Variants in NCAM2 observed in about 807,000 individuals in gnomAD.
NCAM2 encodes N-CAM-2.
A neutral mutation model predicts 98.1 loss-of-function variants in NCAM2; 30 were observed. The ratio of observed to expected loss-of-function variants is 0.31; its 90% CI spans 0.23 to 0.41. NCAM2 has a LOEUF of 0.41. Among genes scored for constraint, NCAM2 ranks in the 10% least tolerant of loss-of-function variants. The pLI is 1.00. For synonymous variants in NCAM2, 368 were observed against 342.4 expected, an observed-to-expected ratio of 1.07 and a Z score of -0.83; for missense variants, 867 against 1,005.8, an observed-to-expected ratio of 0.86 and a Z score of 1.87.
intron 1 of NCAM2, among the ~76,000 whole-genome samples, chr21:21,174,197 A>AGCCAGGCTCCC (rs2068212374): frequency 6.6e-6 from 1 of 152,194 alleles, no homozygotes; most frequent in South Asian, 2.1e-4. Context: ...TGCTGGGATT[A>AGCCAGGCTCCC]CAGGTGTGAG....
chr21:21,205,437 G>A (rs2069403254), intron 1 of NCAM2, among the ~76,000 whole-genome samples: 1 of 152,014 alleles, frequency 6.6e-6, no homozygotes, highest in Non-Finnish European at 1.5e-5. Context: ...TATTATCTTT[G>A]TTTAAGACCT....
intron 1 of NCAM2, among the ~76,000 whole-genome samples, chr21:21,227,788 T>C (rs2070448925): frequency 6.6e-6 from 1 of 151,788 alleles, no homozygotes; most frequent in Non-Finnish European, 1.5e-5. Flanking sequence ...AATTGAGTTA[T>C]ATCCCTGTCT....
chr21:21,488,314 C>G (rs1191055151), intron 15 of NCAM2, among the ~76,000 whole-genome samples: 2 of 151,846 alleles, frequency 1.3e-5, no homozygotes, highest in Non-Finnish European at 2.9e-5. Context: ...TAAGAATACT[C>G]ATTCATTATG....
At chr21:21,387,655 GAA>G (rs1426848066) in intron 9 of NCAM2, among the ~76,000 whole-genome samples, 1 of 152,126 alleles carries the variant, frequency 6.6e-6, no homozygotes, top group East Asian at 1.9e-4. Context: ...TTTGTAAAGT[GAA>G]AGAGACATAT....
At chr21:21,180,601 G>T (rs1202053252) in intron 1 of NCAM2, among the ~76,000 whole-genome samples, 1 of 152,106 alleles carries the variant, frequency 6.6e-6, no homozygotes, top group Admixed American at 6.5e-5. Flanking sequence ...TGTTTCCAGA[G>T]AAGCAGACAT....
At chr21:21,118,168 T>C (rs2066601219) in intron 1 of NCAM2, among the ~76,000 whole-genome samples, 1 of 152,176 alleles carries the variant, frequency 6.6e-6, no homozygotes, top group African/African-American at 2.4e-5. Flanking sequence ...AGTTATTTGG[T>C]AACCTTGATG....
At chr21:21,162,544 T>A (rs2067817322) in intron 1 of NCAM2, among the ~76,000 whole-genome samples, 1 of 152,006 alleles carries the variant, frequency 6.6e-6, no homozygotes, top group Non-Finnish European at 1.5e-5. Flanking sequence ...GAGAATGGAG[T>A]ATATTTGGAT....
At chr21:21,038,595 C>T (rs566536474) in intron 1 of NCAM2, among the ~76,000 whole-genome samples, 3 of 152,296 alleles carry the variant, frequency 2.0e-5, no homozygotes, top group South Asian at 4.1e-4. Context: ...TTGCTGCTGC[C>T]AAGTGAAGAA....
chr21:21,487,672 C>A (rs1569112517), intron 15 of NCAM2, among the ~76,000 whole-genome samples: 1 of 152,080 alleles, frequency 6.6e-6, no homozygotes. Context: ...ATATCTCCTT[C>A]TTTCTCCTCC....
chr21:21,127,076 A>T (rs1033884469), intron 1 of NCAM2, among the ~76,000 whole-genome samples: 1 of 151,994 alleles, frequency 6.6e-6, no homozygotes, highest in South Asian at 2.1e-4. Flanking sequence ...AAGAATAAGA[A>T]TCTGTCATAA....
chr21:21,201,541 A>G (rs1490075819), intron 1 of NCAM2, among the ~76,000 whole-genome samples: 1 of 152,258 alleles, frequency 6.6e-6, no homozygotes, highest in African/African-American at 2.4e-5. Flanking sequence ...AATGGAAAGA[A>G]AAGTATTATC....
At chr21:21,250,957 A>G (rs755702391) in intron 1 of NCAM2, among the ~76,000 whole-genome samples, 8 of 152,110 alleles carry the variant, frequency 5.3e-5, no homozygotes, top group Non-Finnish European at 1.0e-4. Context: ...CTTTTTGTTT[A>G]TGAGATTATA....
At chr21:21,019,434 A>C (rs574137840) in intron 1 of NCAM2, among the ~76,000 whole-genome samples, 1 of 152,166 alleles carries the variant, frequency 6.6e-6, no homozygotes, top group African/African-American at 2.4e-5. Context: ...GCAGATTTGC[A>C]TATAAATCTT....
chr21:21,229,966 G>T (rs1176405496), intron 1 of NCAM2, among the ~76,000 whole-genome samples: 2 of 151,240 alleles, frequency 1.3e-5, no homozygotes, highest in African/African-American at 4.8e-5. Context: ...TAAAATATAT[G>T]CACAAGAACT....
At chr21:21,007,416 A>G (rs1266021444) in intron 1 of NCAM2, among the ~76,000 whole-genome samples, 1 of 152,180 alleles carries the variant, frequency 6.6e-6, no homozygotes. Context: ...TTATTAGGAA[A>G]GTAAAGGAAT....
At chr21:21,471,780 G>T (rs1984471202) in intron 14 of NCAM2, among the ~76,000 whole-genome samples, 1 of 151,980 alleles carries the variant, frequency 6.6e-6, no homozygotes, top group Non-Finnish European at 1.5e-5. Context: ...ACTCCCTATA[G>T]ATTATGAACC....
At chr21:21,361,807 A>G (rs1208300472) in intron 8 of NCAM2, among the ~76,000 whole-genome samples, 2 of 152,062 alleles carry the variant, frequency 1.3e-5, no homozygotes, top group Non-Finnish European at 1.5e-5. Context: ...CAATCATCCC[A>G]TTCTCATTAA....
chr21:21,256,843 C>G (rs2147319875), intron 1 of NCAM2, among the ~76,000 whole-genome samples: 1 of 152,272 alleles, frequency 6.6e-6, no homozygotes, highest in Middle Eastern at 3.4e-3. Context: ...GCTGGAAATC[C>G]AGTTTCATAA....
At chr21:21,184,424 A>AT (rs759884266) in intron 1 of NCAM2, among the ~76,000 whole-genome samples, 139 of 152,282 alleles carry the variant, frequency 9.1e-4, no homozygotes, top group Non-Finnish European at 8.1e-4. Context: ...GGCTGGTAGC[A>AT]TCATACAATG....
Sources: allele counts gnomAD v4.1 joint callset (sites outside exome capture counted in the v4.1 genomes callset), GRCh38; gene constraint gnomAD v4.1.1; transcripts MANE v1.5; gene names NCBI Gene and HGNC (gene_info 2026-07-23, HGNC 2026-07-21).